The following CNIH1 variants were observed in gnomAD, a reference collection of about 807,000 sequenced individuals.
CNIH1 encodes cornichon family member 1, also known as protein cornichon homolog 1.
CNIH1 carries 12 observed loss-of-function variants against 20.2 expected under a neutral mutation model. The ratio of observed to expected loss-of-function variants is 0.59; its 90% CI spans 0.38 to 0.96. The LOEUF is 0.96. Ranked by LOEUF, CNIH1 falls within the 40% of genes least tolerant of loss-of-function variation. CNIH1 has a pLI of 0.00. For synonymous variants in CNIH1, 69 were observed against 63.3 expected (o/e 1.09, Z -0.43); for missense variants, 152 against 178.8 (o/e 0.85, Z 0.85).
chr14:54,429,876 AATG>A (rs1158148613), intron 4 of CNIH1, among the ~76,000 whole-genome samples: 1 of 152,244 alleles, frequency 6.6e-6, no homozygotes, highest in Admixed American at 6.5e-5. Flanking sequence ...ACTTATGAAG[AATG>A]ATAAGGAAAA....
chr14:54,441,169 C>A (rs2031166690), intron 1 of CNIH1, 78 bp downstream of exon 1: 3 of 1,354,100 alleles, frequency 2.2e-6, no homozygotes, highest in East Asian at 3.2e-5. Context: ...GCGGCCGTGG[C>A]GGCCCGGACC....
At position 54,425,416 on chromosome 14, in the gene CNIH1, G is replaced by A. The variant is rs1428133144; in HGVS notation, c.*2398C>T. On this transcript the variant is annotated 3_prime_UTR_variant, in exon 5 of 5. Transcript: ENST00000216416. The stretch of plus-strand genomic sequence containing the variant: ...AAAAAGAGTACCTAAATGAACAGCT[G>A]TTGCTGCACAGGGAATGTTTAACGT... 1 of 152,114 alleles carries A rather than the reference G, an allele frequency of 6.6e-6. No homozygotes were observed. The highest frequency in any genetic ancestry group is 2.4e-5 in the African/African-American group (1 of 41,440). 9.4% of individuals were successfully genotyped at this position (152,114 alleles called of 1,614,324 possible). A position where few individuals can be genotyped will look rare whatever the true frequency, so the allele number is the denominator to read the frequency against.
intron 3 of CNIH1, 38 bp from the exon 4 acceptor site, chr14:54,430,442 C>G (rs369493773): frequency 7.0e-6 from 11 of 1,569,496 alleles, no homozygotes; most frequent in Non-Finnish European, 8.7e-6. Flanking sequence ...TCAGAAAGGG[C>G]AGTAAATGTT....
Position 54,427,332 on chromosome 14 carries a change from G to A in CNIH1, c.*482C>T, listed in dbSNP as rs1004189783. 6.5e-6 allele frequency: 1 copy of A among 153,602 alleles called. No homozygotes were observed. Among genetic ancestry groups the A allele is most frequent in the Non-Finnish European group, 1.5e-5 (1 of 68,842 alleles). 9.5% of individuals were successfully genotyped at this position (153,602 alleles called of 1,614,324 possible). ...TGTATCCATATATAATCATCGACATGACAGATGAGGAAACCCATGAAGTTT... is the reference window on the plus strand; with the variant it reads ...TGTATCCATATATAATCATCGACATAACAGATGAGGAAACCCATGAAGTTT... On this transcript the variant is annotated 3_prime_UTR_variant, in exon 5 of 5. Transcript: ENST00000216416.
rs889610308 is a variant in CNIH1 at position 54,425,055 on chromosome 14, T to C, written c.*2759A>G. The C allele has an allele frequency of 2.0e-5, 3 of 152,210 alleles. No homozygotes were observed. The highest frequency in any genetic ancestry group is 7.2e-5 in the African/African-American group (3 of 41,460). 9.4% of individuals were successfully genotyped at this position (152,210 alleles called of 1,614,324 possible). ...GAGGAGTGAGGAATATCATTAAGCA[T>C]TGAGAAAACTGTCAAACATCATTAA... is the stretch of plus-strand genomic sequence containing the variant. On this transcript the variant is annotated 3_prime_UTR_variant, in exon 5 of 5. Coordinates refer to ENST00000216416, the MANE Select transcript of CNIH1 (RefSeq NM_005776.3).
At chr14:54,436,134 C>A (rs1433033157) in intron 2 of CNIH1, 1 of 703,166 alleles carries the variant, frequency 1.4e-6, no homozygotes, top group Admixed American at 2.0e-5. Context: ...TGTCTTTGGC[C>A]GACAATGTAA....
intron 4 of CNIH1, among the ~76,000 whole-genome samples, chr14:54,429,605 A>T (rs1255616493): frequency 6.6e-6 from 1 of 152,156 alleles, no homozygotes; most frequent in Non-Finnish European, 1.5e-5. Flanking sequence ...CTAAAAATAC[A>T]AAAATTAGCC....
chr14:54,435,559 C>A (rs1473987762), intron 2 of CNIH1, among the ~76,000 whole-genome samples: 1 of 152,066 alleles, frequency 6.6e-6, no homozygotes, highest in Admixed American at 6.6e-5. Context: ...TTGTTATCTA[C>A]AAAATTATGG....
At chr14:54,440,645 C>A (rs2031150866) in intron 1 of CNIH1, among the ~76,000 whole-genome samples, 1 of 152,170 alleles carries the variant, frequency 6.6e-6, no homozygotes, top group South Asian at 2.1e-4. Context: ...GGGGGGGAAA[C>A]GCGCACATGC....
In CNIH1 at chr14:54,424,764, G is replaced by T. The variant is rs1247737676; in HGVS notation, c.*3050C>A. On this transcript the variant is annotated 3_prime_UTR_variant, in exon 5 of 5. Transcript: ENST00000216416. ...AAAACACTGAACTGGCTTTAAAAGA[G>T]ACACATACTGCAAACTGCTGTGTAC... 1 of 152,156 alleles carries T rather than the reference G, an allele frequency of 6.6e-6. No individual in the cohort carries two copies. Among genetic ancestry groups the T allele is most frequent in the Non-Finnish European group, 1.5e-5 (1 of 68,018 alleles). 9.4% of individuals were successfully genotyped at this position (152,156 alleles called of 1,614,324 possible). A position where few individuals can be genotyped will look rare whatever the true frequency, so the allele number is the denominator to read the frequency against.
intron 2 of CNIH1, among the ~76,000 whole-genome samples, chr14:54,435,065 G>A (rs1366211767): frequency 1.3e-5 from 2 of 152,100 alleles, no homozygotes; most frequent in Non-Finnish European, 2.9e-5. Context: ...TAGTATGCTA[G>A]ACAATTAAAA....
chr14:54,427,938 C>G, intron 4 of CNIH1, 97 bp from the exon 5 acceptor site: 1 of 1,144,170 alleles, frequency 8.7e-7, no homozygotes, highest in East Asian at 2.4e-5. Flanking sequence ...AAACTAGTAT[C>G]ACAGAAAATG....
At chr14:54,438,780 A>G (rs1258735844) in intron 1 of CNIH1, among the ~76,000 whole-genome samples, 1 of 152,176 alleles carries the variant, frequency 6.6e-6, no homozygotes, top group African/African-American at 2.4e-5. Context: ...TCTGATCCCC[A>G]ATGTTGGAGG....
intron 2 of CNIH1, among the ~76,000 whole-genome samples, chr14:54,433,884 T>G (rs182506336): frequency 3.7e-4 from 57 of 152,284 alleles, no homozygotes; most frequent in African/African-American, 1.3e-3. Context: ...TATGAAACAA[T>G]GCCATTCCCT....
At chr14:54,437,691 T>G (rs572357367) in intron 1 of CNIH1, among the ~76,000 whole-genome samples, 3 of 141,242 alleles carry the variant, frequency 2.1e-5, no homozygotes, top group African/African-American at 8.1e-5. Flanking sequence ...AAAAAAAAAA[T>G]GCAGAACTCA....
In CNIH1 at chr14:54,425,333, G is replaced by C. The variant is rs968090757; in HGVS notation, c.*2481C>G. 1.3e-5 allele frequency: 2 copies of C among 151,568 alleles called. No individual in the cohort carries two copies. Among genetic ancestry groups the C allele is most frequent in the African/African-American group, 4.8e-5 (2 of 41,248 alleles). 9.4% of individuals were successfully genotyped at this position (151,568 alleles called of 1,614,324 possible). ...CAGGGAAAACAATTTCCTAGAGCTA[G>C]AAAGCTTTTAAAGATAAAGCACATA... On this transcript the variant is annotated 3_prime_UTR_variant, in exon 5 of 5. Coordinates refer to ENST00000216416, the MANE Select transcript of CNIH1 (RefSeq NM_005776.3).
At position 54,430,261 on chromosome 14, in the gene CNIH1, C is replaced by T; in HGVS notation, c.407G>A (p.Gly136Asp). The stretch of plus-strand genomic sequence containing the variant: ...ATTTCATTTTACCTTTTCAACTTAC[C>T]CATATAGGTAGTAAAAAAATGCTAG... ...YLLAFFYYLY[G>D]MIYVLVSS The change falls in exon 4 of 5, where the codon GGC (glycine) becomes GAC (aspartate). Residue 136 changes from glycine to aspartate, a missense_variant and splice_region_variant. Physicochemically the swap from Gly to Asp is moderately conservative, Grantham distance 94. Coordinates refer to ENST00000216416, the MANE Select transcript of CNIH1 (RefSeq NM_005776.3). The T allele has an allele frequency of 1.2e-6, 2 of 1,613,596 alleles. No individual in the cohort carries two copies. The highest frequency in any genetic ancestry group is 1.7e-6 in the Non-Finnish European group (2 of 1,179,734).
intron 4 of CNIH1, among the ~76,000 whole-genome samples, chr14:54,428,878 C>G (rs2030878099): frequency 6.6e-6 from 1 of 152,172 alleles, no homozygotes; most frequent in Non-Finnish European, 1.5e-5. Flanking sequence ...AAATTTCAGT[C>G]TAACCATTCA....
Position 54,425,793 on chromosome 14 carries a change from A to C in CNIH1, c.*2021T>G, listed in dbSNP as rs2030816360. 1 of 152,240 alleles carries C rather than the reference A, an allele frequency of 6.6e-6. No individual in the cohort carries two copies. Among genetic ancestry groups the C allele is most frequent in the African/African-American group, 2.4e-5 (1 of 41,476 alleles). 9.4% of individuals were successfully genotyped at this position (152,240 alleles called of 1,614,324 possible). ...CATATCTTATTTGGGAAACATGAGA[A>C]AATGGCTTCCACAAATCCCAACCAG... On this transcript the variant is annotated 3_prime_UTR_variant, in exon 5 of 5. Coordinates refer to ENST00000216416, the MANE Select transcript of CNIH1 (RefSeq NM_005776.3).
Sources: gnomAD v4.1 joint callset for allele counts (sites outside exome capture counted in the v4.1 genomes callset) on GRCh38, gnomAD v4.1.1 for gene constraint, MANE v1.5 for transcripts, NCBI Gene and HGNC (gene_info 2026-07-23, HGNC 2026-07-21) for gene names.